Variants in TMEM108 observed in about 807,000 individuals in gnomAD.
TMEM108 encodes transmembrane protein 108.
A neutral mutation model predicts 35.1 loss-of-function variants in TMEM108; 12 were observed. The ratio of observed to expected loss-of-function variants is 0.34; its 90% CI spans 0.22 to 0.55. The LOEUF is 0.55. TMEM108 is among the 20% of genes least tolerant of loss of function. The pLI is 0.89. For missense variants in TMEM108, 680 were observed against 753.3 expected (o/e 0.90, Z 1.14); for synonymous variants, 287 against 308.6 (o/e 0.93, Z 0.73).
chr3:133,238,449 C>T (rs7612595), intron 3 of TMEM108, among the ~76,000 whole-genome samples: 37,465 of 152,112 alleles, frequency 0.25, 6,406 homozygotes, highest in African/African-American at 0.49. Flanking sequence ...CAATCACACA[C>T]TATCAATTAC....
In TMEM108 at chr3:133,379,981, G is replaced by A. The variant is rs147436918; in HGVS notation, c.270G>A (p.Gly90=). 13 of 1,613,636 alleles carry A rather than the reference G, an allele frequency of 8.1e-6. No homozygotes were observed. In the Admixed American group the frequency reaches 8.3e-5, roughly 10 times the overall value. ...PMATPTPRAE[G]HPPTHTISTI... ...CAACACCGACACCCCGTGCAGAGGG[G>A]CACCCTCCTACGCACACCATCTCCA... Residue 90 remains glycine, a synonymous_variant, in exon 4 of 6, where the codon GGG becomes GGA. Coordinates refer to ENST00000321871, the MANE Select transcript of TMEM108 (RefSeq NM_023943.4).
At chr3:133,354,384 T>C (rs1221100343) in intron 3 of TMEM108, among the ~76,000 whole-genome samples, 1 of 152,154 alleles carries the variant, frequency 6.6e-6, no homozygotes, top group Non-Finnish European at 1.5e-5. Flanking sequence ...TCTGAGACTC[T>C]AGCCACATTA....
chr3:133,078,703 TTATC>T (rs1255856035), intron 2 of TMEM108, among the ~76,000 whole-genome samples: 2 of 152,264 alleles, frequency 1.3e-5, no homozygotes, highest in African/African-American at 4.8e-5. Flanking sequence ...AGCTTTGAAG[TTATC>T]TATTCAGTCA....
intron 5 of TMEM108, among the ~76,000 whole-genome samples, chr3:133,394,272 G>T (rs143861597): frequency 6.6e-6 from 1 of 152,332 alleles, no homozygotes; most frequent in Non-Finnish European, 1.5e-5. Context: ...CTGCCAAATG[G>T]TTTGCCTAAG....
rs749866006 is a variant in TMEM108, at chr3:133,091,857, TA to T, written c.-47+45847del. On this transcript the variant is annotated intron_variant, in intron 2 of 5. Coordinates refer to ENST00000321871, the MANE Select transcript of TMEM108 (RefSeq NM_023943.4). ...TTTCTCTGATTTGAGAGACTTCTTA[TA>T]AAAAAAAAACAAAACCCAAACCATC... Among the ~76,000 whole-genome samples the T allele has an allele frequency of 2.0e-4, 19 of 93,858 alleles. No homozygotes were observed. The South Asian group carries it at 2.4e-3, about 12-fold the overall frequency. 61.6% of individuals were successfully genotyped at this position (93,858 alleles called of 152,430 possible). A position where few individuals can be genotyped will look rare whatever the true frequency, so the allele number is the denominator to read the frequency against.
intron 3 of TMEM108, among the ~76,000 whole-genome samples, chr3:133,271,065 C>T (rs1017044817): frequency 2.6e-5 from 4 of 152,148 alleles, no homozygotes; most frequent in South Asian, 4.1e-4. Context: ...CAAATGAACA[C>T]GCTACCCTGC....
intron 2 of TMEM108, among the ~76,000 whole-genome samples, chr3:133,173,508 T>A (rs1250554612): frequency 1.3e-5 from 2 of 152,194 alleles, no homozygotes; most frequent in African/African-American, 4.8e-5. Flanking sequence ...AAAAGAAAAT[T>A]AAATTTCTTC....
intron 3 of TMEM108, among the ~76,000 whole-genome samples, chr3:133,265,299 T>C (rs753257023): frequency 2.6e-5 from 4 of 152,186 alleles, no homozygotes; most frequent in Non-Finnish European, 5.9e-5. Flanking sequence ...AGGTTTGATG[T>C]TCTACCTTGA....
chr3:133,299,079 G>A (rs1296901157), intron 3 of TMEM108, among the ~76,000 whole-genome samples: 1 of 152,058 alleles, frequency 6.6e-6, no homozygotes, highest in Non-Finnish European at 1.5e-5. Flanking sequence ...TTGATTCATG[G>A]CCAGTGTAAT....
intron 3 of TMEM108, among the ~76,000 whole-genome samples, chr3:133,350,253 G>A (rs1035533610): frequency 5.9e-5 from 9 of 152,106 alleles, no homozygotes; most frequent in Admixed American, 3.3e-4. Flanking sequence ...GAAGCAAAGA[G>A]TAGAACAGTG....
intron 3 of TMEM108, among the ~76,000 whole-genome samples, chr3:133,271,737 G>A (rs1946773889): frequency 6.6e-6 from 1 of 152,112 alleles, no homozygotes; most frequent in Non-Finnish European, 1.5e-5. Flanking sequence ...TTTACAAACT[G>A]TCATGAGCCA....
At chr3:133,223,774 CAG>C (rs57913888) in intron 2 of TMEM108, among the ~76,000 whole-genome samples, 48,173 of 151,932 alleles carry the variant, frequency 0.32, 8,462 homozygotes, top group East Asian at 0.47. Context: ...ATAATGGAAA[CAG>C]AAATTCTATC....
chr3:133,235,484 G>C (rs566425610), intron 3 of TMEM108, among the ~76,000 whole-genome samples: 1 of 152,124 alleles, frequency 6.6e-6, no homozygotes, highest in East Asian at 1.9e-4. Flanking sequence ...ACAAACCTGA[G>C]AAAAACAAGC....
At chr3:133,137,869 T>A (rs558787694) in intron 2 of TMEM108, among the ~76,000 whole-genome samples, 1 of 152,294 alleles carries the variant, frequency 6.6e-6, no homozygotes, top group Admixed American at 6.5e-5. Context: ...TCCTGCATTC[T>A]ACAAAGCTTA....
At chr3:133,150,806 A>T (rs1432571263) in intron 2 of TMEM108, among the ~76,000 whole-genome samples, 1 of 152,174 alleles carries the variant, frequency 6.6e-6, no homozygotes, top group Non-Finnish European at 1.5e-5. Context: ...TAAGTACAAG[A>T]TGGCAGGAAG....
intron 3 of TMEM108, among the ~76,000 whole-genome samples, chr3:133,241,645 C>T (rs1342964932): frequency 2.3e-4 from 22 of 94,778 alleles, no homozygotes; most frequent in African/African-American, 6.9e-4. Flanking sequence ...GACAGAATTT[C>T]GCTCTTTTTG....
chr3:133,376,576 C>T (rs2072845903), intron 3 of TMEM108, among the ~76,000 whole-genome samples: 1 of 152,180 alleles, frequency 6.6e-6, no homozygotes, highest in African/African-American at 2.4e-5. Flanking sequence ...TGATGAGCAT[C>T]CCAGGAGCAG....
intron 3 of TMEM108, among the ~76,000 whole-genome samples, chr3:133,232,772 T>C (rs1484317022): frequency 2.6e-5 from 4 of 152,230 alleles, no homozygotes; most frequent in African/African-American, 9.6e-5. Flanking sequence ...CTCAGGAATG[T>C]GGTACTGAGT....
intron 2 of TMEM108, among the ~76,000 whole-genome samples, chr3:133,089,313 C>G (rs1446157283): frequency 6.6e-6 from 1 of 152,156 alleles, no homozygotes; most frequent in Non-Finnish European, 1.5e-5. Flanking sequence ...GATGTCAGTT[C>G]TCTGGTCAAA....
Sources: allele counts gnomAD v4.1 joint callset (sites outside exome capture counted in the v4.1 genomes callset), GRCh38; gene constraint gnomAD v4.1.1; transcripts MANE v1.5; gene names NCBI Gene and HGNC (gene_info 2026-07-23, HGNC 2026-07-21).